SULT1E1: variants seen among roughly 807,000 people sequenced by gnomAD.
SULT1E1 encodes sulfotransferase family 1E member 1, also known as sulfotransferase 1E1.
SULT1E1 carries 36 observed loss-of-function variants against 33.6 expected under a neutral mutation model. The ratio of observed to expected loss-of-function variants is 1.07; its 90% CI spans 0.82 to 1.41. The LOEUF is 1.41. Ranked by LOEUF, SULT1E1 falls within the 40% of genes most tolerant of loss-of-function variation. The pLI, the probability that SULT1E1 is intolerant of heterozygous loss-of-function variation, is 0.00. For synonymous variants in SULT1E1, 121 were observed against 111.7 expected, an observed-to-expected ratio of 1.08 and a Z score of -0.53; for missense variants, 371 against 345.7, an observed-to-expected ratio of 1.07 and a Z score of -0.58.
chr4:69,847,656 C>T, intron 6 of SULT1E1, 42 bp downstream of exon 6: 1 of 1,293,850 alleles, frequency 7.7e-7, no homozygotes, highest in Non-Finnish European at 1.1e-6. Flanking sequence ...ATGCTAACAT[C>T]TTAGAAATTA....
chr4:69,841,915 G>A lies in SULT1E1; in HGVS notation c.*79C>T. 4 of 741,960 alleles carry A rather than the reference G, an allele frequency of 5.4e-6. No individual in the cohort carries two copies. The highest frequency in any genetic ancestry group is 8.6e-6 in the Non-Finnish European group (4 of 462,980). The allele number at this position is 741,960 out of a possible 1,614,324, so 46.0% of individuals were successfully genotyped here. Reference sequence around the variant, plus strand: ...ATAATCCATGATTATGTCTTTTCTAGCAATCTAAAATAAGAAAAAGTGGAG... The same window carrying A: ...ATAATCCATGATTATGTCTTTTCTAACAATCTAAAATAAGAAAAAGTGGAG... On this transcript the variant is annotated 3_prime_UTR_variant, in exon 8 of 8. Coordinates refer to ENST00000226444, the MANE Select transcript of SULT1E1 (RefSeq NM_005420.3).
chr4:69,832,433 T>C, the SULT1E1 span, among the ~76,000 whole-genome samples: 1 of 152,188 alleles, frequency 6.6e-6, no homozygotes, highest in African/African-American at 2.4e-5. Context: ...AGAATCTTTA[T>C]TGAGTGCACT....
the SULT1E1 span, among the ~76,000 whole-genome samples, chr4:69,830,468 A>G: frequency 2.6e-5 from 4 of 152,140 alleles, no homozygotes; most frequent in Non-Finnish European, 5.9e-5. Flanking sequence ...TCTTTCGTAA[A>G]ACTGGCTTGG....
intron 3 of SULT1E1, 94 bp downstream of exon 3, chr4:69,855,207 T>C (rs1247687824): frequency 1.5e-6 from 2 of 1,309,512 alleles, no homozygotes; most frequent in African/African-American, 1.5e-5. Flanking sequence ...CTGATACTAA[T>C]TGCCATTCTT....
intron 4 of SULT1E1, among the ~76,000 whole-genome samples, chr4:69,852,670 C>A (rs1438815494): frequency 3.9e-5 from 6 of 152,128 alleles, no homozygotes; most frequent in African/African-American, 1.4e-4. Context: ...AGGATATTTA[C>A]AAATATCCTG....
chr4:69,847,155 T>A (rs1178605580), intron 6 of SULT1E1, among the ~76,000 whole-genome samples: 2 of 151,780 alleles, frequency 1.3e-5, no homozygotes, highest in African/African-American at 2.4e-5. Context: ...TAATCTATTA[T>A]TGAACCCATC....
At chr4:69,856,935 CAAA>C (rs11464421) in intron 2 of SULT1E1, among the ~76,000 whole-genome samples, 282 of 59,208 alleles carry the variant, frequency 4.8e-3, no homozygotes, top group African/African-American at 9.6e-3. Flanking sequence ...GACTCCGTCT[CAAA>C]AAAAAAAAAA....
intron 1 of SULT1E1, among the ~76,000 whole-genome samples, chr4:69,858,553 C>T (rs146596713): frequency 3.2e-4 from 48 of 152,194 alleles, no homozygotes; most frequent in African/African-American, 9.6e-4. Flanking sequence ...TGACATTAGC[C>T]TTTCTAGATC....
At chr4:69,849,259 C>T (rs1369690566) in intron 5 of SULT1E1, 178 bp downstream of exon 5, 2 of 473,202 alleles carry the variant, frequency 4.2e-6, no homozygotes, top group Non-Finnish European at 7.1e-6. Flanking sequence ...CTGCAATTTG[C>T]CTTCTACATC....
At chr4:69,822,357 G>A in the SULT1E1 span, among the ~76,000 whole-genome samples, 3,904 of 152,116 alleles carry the variant, frequency 0.026, 154 homozygotes, top group African/African-American at 0.086. Context: ...ATGTAATCTC[G>A]GCACTTTTGG....
the SULT1E1 span, among the ~76,000 whole-genome samples, chr4:69,831,138 G>C: frequency 6.6e-6 from 1 of 152,222 alleles, no homozygotes; most frequent in African/African-American, 2.4e-5. Flanking sequence ...TGGCCTCACA[G>C]ATGAACCAGC....
intron 7 of SULT1E1, among the ~76,000 whole-genome samples, chr4:69,843,619 C>G (rs1446898433): frequency 1.3e-5 from 2 of 152,140 alleles, no homozygotes; most frequent in Non-Finnish European, 2.9e-5. Context: ...CTGGCTATAT[C>G]TCATCAGGCT....
At chr4:69,831,908 C>G in the SULT1E1 span, among the ~76,000 whole-genome samples, 1 of 152,158 alleles carries the variant, frequency 6.6e-6, no homozygotes, top group Non-Finnish European at 1.5e-5. Flanking sequence ...TTAGTCCCTC[C>G]CAGAACCATC....
At chr4:69,842,225 T>C in intron 7 of SULT1E1, 119 bp from the exon 8 acceptor site, 2 of 645,952 alleles carry the variant, frequency 3.1e-6, no homozygotes, top group South Asian at 1.8e-5. Context: ...TTCTCAATTT[T>C]AAGAATCAAA....
chr4:69,832,726 G>A, the SULT1E1 span, among the ~76,000 whole-genome samples: 2 of 152,244 alleles, frequency 1.3e-5, no homozygotes, highest in African/African-American at 4.8e-5. Flanking sequence ...ACCTGCTCAG[G>A]CACGTCTGGT....
the SULT1E1 span, among the ~76,000 whole-genome samples, chr4:69,830,848 G>A: frequency 5.9e-5 from 9 of 152,198 alleles, no homozygotes; most frequent in Non-Finnish European, 1.3e-4. Context: ...GTGTAGGAGG[G>A]AGCATGATGC....
At chr4:69,849,400 C>T (rs771999691) in intron 5 of SULT1E1, 37 bp downstream of exon 5, 4 of 1,596,162 alleles carry the variant, frequency 2.5e-6, no homozygotes, top group Non-Finnish European at 3.4e-6. Flanking sequence ...CTTATAAAAC[C>T]TTGAAAAAAA....
intron 4 of SULT1E1, among the ~76,000 whole-genome samples, chr4:69,852,879 A>G (rs555315556): frequency 1.3e-4 from 20 of 152,258 alleles, no homozygotes; most frequent in South Asian, 2.1e-4. Context: ...GTCCACCACT[A>G]TCCTCCAAAG....
chr4:69,841,137 C>T (rs1419335238), downstream of SULT1E1: 1 of 152,062 alleles, frequency 6.6e-6, no homozygotes, highest in African/African-American at 2.4e-5. Context: ...ATTCTTTCTT[C>T]CAGAGTCTTC....
Sources: allele counts gnomAD v4.1 joint callset (sites outside exome capture counted in the v4.1 genomes callset), GRCh38; gene constraint gnomAD v4.1.1; transcripts MANE v1.5; gene names NCBI Gene and HGNC (gene_info 2026-07-23, HGNC 2026-07-21).